The following COL11A1 variants were observed in gnomAD, a reference collection of about 807,000 sequenced individuals.
COL11A1 encodes the protein collagen alpha-1(XI) chain.
COL11A1 carries 74 observed loss-of-function variants against 265.2 expected under a neutral mutation model. The observed-to-expected ratio is 0.28, with a 90% CI of 0.23 to 0.34. The LOEUF (loss-of-function observed/expected upper bound fraction) is 0.34. Among genes scored for constraint, COL11A1 ranks in the 10% least tolerant of loss-of-function variants. COL11A1 has a pLI of 1.00. For synonymous variants in COL11A1, 816 were observed against 727.6 expected (o/e 1.12, Z -1.96); for missense variants, 2,165 against 2,263.6 (o/e 0.96, Z 0.88).
intron 42 of COL11A1, among the ~76,000 whole-genome samples, chr1:102,945,005 C>T (rs916130370): frequency 1.3e-5 from 2 of 152,086 alleles, no homozygotes; most frequent in African/African-American, 4.8e-5. Context: ...GTGGCATGGC[C>T]CATTCCAACA....
At chr1:102,931,368 A>G (rs1483030291) in intron 46 of COL11A1, among the ~76,000 whole-genome samples, 1 of 147,396 alleles carries the variant, frequency 6.8e-6, no homozygotes, top group East Asian at 2.0e-4. Flanking sequence ...GTCATTCAGG[A>G]GCAGGTTGTT....
At position 102,883,444 on chromosome 1, in the gene COL11A1, G is replaced by A. The variant is rs371388732; in HGVS notation, c.4859-133C>T. The stretch of plus-strand genomic sequence containing the variant: ...TAGATCTTTTGCCTTTTAAGCTTTT[G>A]GGCATATTGGGGTACGGTTTTTAAT... On this transcript the variant is annotated intron_variant, in intron 63 of 66. Transcript: ENST00000370096. 379 of 674,692 alleles carry A rather than the reference G, an allele frequency of 5.6e-4. 4 individuals carry two copies. In the Middle Eastern group the frequency reaches 9.5e-3, roughly 17 times the overall value. 41.8% of individuals were successfully genotyped at this position (674,692 alleles called of 1,614,324 possible). A position where few individuals can be genotyped will look rare whatever the true frequency, so the allele number is the denominator to read the frequency against.
intron 3 of COL11A1, among the ~76,000 whole-genome samples, chr1:103,076,232 C>A (rs1376941186): frequency 1.3e-5 from 2 of 152,032 alleles, no homozygotes; most frequent in Non-Finnish European, 2.9e-5. Context: ...TCAGAAAATT[C>A]TATCAGTTCA....
At position 102,997,135 on chromosome 1, in the gene COL11A1, C is replaced by CA; in HGVS notation, c.2197-12dup. ...TTTCCCAGGATGACCCTATATTTAG[C>CA]AAAAACATACACTGATAAGATGTAA... On this transcript the variant is annotated splice_polypyrimidine_tract_variant and intron_variant, in intron 25 of 66. Transcript: ENST00000370096. 6.2e-7 allele frequency: 1 copy of CA among 1,605,418 alleles called. No homozygotes were observed. Among genetic ancestry groups the CA allele is most frequent in the South Asian group, 1.1e-5 (1 of 90,908 alleles).
At chr1:103,086,703 A>C (rs928748936) in intron 1 of COL11A1, among the ~76,000 whole-genome samples, 6 of 152,238 alleles carry the variant, frequency 3.9e-5, no homozygotes, top group South Asian at 4.1e-4. Context: ...GGCGTGAGCC[A>C]CCGCGCCCGG....
At chr1:102,954,822 C>A (rs1450713203) in intron 41 of COL11A1, among the ~76,000 whole-genome samples, 1 of 144,862 alleles carries the variant, frequency 6.9e-6, no homozygotes, top group African/African-American at 2.6e-5. Flanking sequence ...CCAGACTGGG[C>A]GACAAGAGCG....
intron 6 of COL11A1, chr1:103,025,866 A>C (rs1667468117): frequency 1.9e-6 from 3 of 1,613,382 alleles, no homozygotes; most frequent in Non-Finnish European, 2.5e-6. Context: ...AAAATTTTTC[A>C]GATTTGGGGG....
rs1272081646 is a variant in COL11A1 at position 102,969,800 on chromosome 1, TA to T, written c.2862+418del. On this transcript the variant is annotated intron_variant, in intron 37 of 66. Transcript: ENST00000370096. ...AAGTATTTAATCCCTTAGTTCTAGA[TA>T]AAAGAATGTGGTATTATGATCATGG... is the stretch of plus-strand genomic sequence containing the variant. Among the ~76,000 whole-genome samples, 10 of 152,266 alleles carry T rather than the reference TA, an allele frequency of 6.6e-5. No individual in the cohort carries two copies. In the East Asian group the frequency reaches 1.7e-3, roughly 26 times the overall value.
At chr1:102,989,157 A>G (rs1434088154) in intron 29 of COL11A1, among the ~76,000 whole-genome samples, 1 of 152,096 alleles carries the variant, frequency 6.6e-6, no homozygotes, top group Non-Finnish European at 1.5e-5. Context: ...CTCATTATAT[A>G]TGAACAAAAT....
intron 1 of COL11A1, among the ~76,000 whole-genome samples, chr1:103,086,377 T>C (rs1672858262): frequency 6.6e-6 from 1 of 152,124 alleles, no homozygotes; most frequent in Admixed American, 6.5e-5. Flanking sequence ...AAATAATACA[T>C]AAAATGGACT....
chr1:103,007,652 G>GT (rs1665742625), intron 15 of COL11A1, among the ~76,000 whole-genome samples: 1 of 152,054 alleles, frequency 6.6e-6, no homozygotes, highest in African/African-American at 2.4e-5. Flanking sequence ...GAGCTCAGGA[G>GT]TTTGAGACCA....
intron 21 of COL11A1, among the ~76,000 whole-genome samples, 182 bp from the exon 22 acceptor site, chr1:103,002,973 C>T (rs568628419): frequency 2.6e-5 from 4 of 152,168 alleles, no homozygotes; most frequent in Non-Finnish European, 5.9e-5. Flanking sequence ...ACATTGGAGA[C>T]AATCTAGCAA....
At chr1:103,053,327 C>T (rs544043623) in intron 4 of COL11A1, among the ~76,000 whole-genome samples, 4 of 152,194 alleles carry the variant, frequency 2.6e-5, no homozygotes, top group African/African-American at 7.2e-5. Context: ...TCAATAAAGT[C>T]CCAAAATATG....
At chr1:103,068,049 T>A (rs1671288946) in intron 4 of COL11A1, among the ~76,000 whole-genome samples, 1 of 151,522 alleles carries the variant, frequency 6.6e-6, no homozygotes, top group Non-Finnish European at 1.5e-5. Flanking sequence ...TATAAGAAAG[T>A]TTTCAGAAAA....
At chr1:103,039,229 T>C (rs1327613541) in intron 4 of COL11A1, among the ~76,000 whole-genome samples, 2 of 152,180 alleles carry the variant, frequency 1.3e-5, no homozygotes, top group Non-Finnish European at 2.9e-5. Flanking sequence ...TCAATAATAA[T>C]TGGCAGAAAA....
intron 4 of COL11A1, among the ~76,000 whole-genome samples, chr1:103,066,307 G>C (rs766869694): frequency 2.6e-5 from 4 of 151,684 alleles, no homozygotes; most frequent in Non-Finnish European, 5.9e-5. Flanking sequence ...ACATTTGGTG[G>C]TATGTTCAAT....
rs1451386546 is a variant in COL11A1, at chr1:102,974,887, G to T, written c.2755-4C>A. 6 of 1,612,656 alleles carry T rather than the reference G, an allele frequency of 3.7e-6. No individual in the cohort carries two copies. In the South Asian group the frequency reaches 6.6e-5, roughly 18 times the overall value. ...GACCCTGAGGTCCTTGAGGACCCTG[G>T]AAATAAAAAGCAGTGGGGAGAAGTT... On this transcript the variant is annotated splice_polypyrimidine_tract_variant and splice_region_variant and intron_variant, in intron 35 of 66. Coordinates refer to ENST00000370096, the MANE Select transcript of COL11A1 (RefSeq NM_001854.4).
chr1:103,040,844 T>A (rs1042787181), intron 4 of COL11A1, among the ~76,000 whole-genome samples: 7 of 151,700 alleles, frequency 4.6e-5, no homozygotes, highest in African/African-American at 7.2e-5. Context: ...TCAAAACATA[T>A]AATTTCAATT....
At chr1:102,891,793 G>C (rs1404435155) in intron 57 of COL11A1, among the ~76,000 whole-genome samples, 1 of 151,912 alleles carries the variant, frequency 6.6e-6, no homozygotes, top group Non-Finnish European at 1.5e-5. Flanking sequence ...TAAGGGAGGA[G>C]GGTCACTTGA....
Sources: gnomAD v4.1 joint callset for allele counts (sites outside exome capture counted in the v4.1 genomes callset) on GRCh38, gnomAD v4.1.1 for gene constraint, MANE v1.5 for transcripts, NCBI Gene and HGNC (gene_info 2026-07-23, HGNC 2026-07-21) for gene names.